MAML3: variants seen among roughly 807,000 people sequenced by gnomAD.
The protein encoded by MAML3 is mastermind like transcriptional coactivator 3.
Under a neutral mutation model 101.9 loss-of-function variants are expected in MAML3, and 27 were observed. The ratio of observed to expected loss-of-function variants is 0.27; its 90% CI spans 0.20 to 0.37. MAML3 has a LOEUF of 0.37. MAML3 is among the 10% of genes least tolerant of loss of function. The pLI, the probability that MAML3 is intolerant of heterozygous loss-of-function variation, is 1.00. For synonymous variants in MAML3, 501 were observed against 555.9 expected (o/e 0.90, Z 1.39); for missense variants, 1,316 against 1,444.9 (o/e 0.91, Z 1.45).
At chr4:140,058,031 G>A (rs59370741) in intron 1 of MAML3, among the ~76,000 whole-genome samples, 33 of 146,712 alleles carry the variant, frequency 2.2e-4, no homozygotes, top group African/African-American at 5.6e-4. Context: ...CTGATTAAAC[G>A]TACAGTTACT....
At chr4:139,946,693 G>C (rs1733732251) in intron 1 of MAML3, among the ~76,000 whole-genome samples, 1 of 151,892 alleles carries the variant, frequency 6.6e-6, no homozygotes, top group Non-Finnish European at 1.5e-5. Context: ...TGACATCCTT[G>C]GTTTTATTCA....
At chr4:139,729,844 T>C (rs1057398207) in intron 3 of MAML3, among the ~76,000 whole-genome samples, 1 of 152,236 alleles carries the variant, frequency 6.6e-6, no homozygotes, top group Non-Finnish European at 1.5e-5. Context: ...TTTCCTGAGC[T>C]GTTTTAAAAG....
chr4:139,801,118 G>C (rs1194192434), intron 2 of MAML3, among the ~76,000 whole-genome samples: 1 of 152,188 alleles, frequency 6.6e-6, no homozygotes. Context: ...CCTATGGGAT[G>C]TGCCAGTTTC....
At chr4:140,030,621 C>T (rs1365023254) in intron 1 of MAML3, among the ~76,000 whole-genome samples, 1 of 152,144 alleles carries the variant, frequency 6.6e-6, no homozygotes, top group African/African-American at 2.4e-5. Flanking sequence ...TCCTTTACCT[C>T]ATCTCACTTC....
chr4:139,811,587 T>C (rs1730797634), intron 2 of MAML3, among the ~76,000 whole-genome samples: 1 of 152,364 alleles, frequency 6.6e-6, no homozygotes, highest in East Asian at 1.9e-4. Context: ...CAAGTGGAAA[T>C]ATTCCAGAAT....
chr4:140,151,834 G>A (rs1729176639), intron 1 of MAML3, among the ~76,000 whole-genome samples: 1 of 152,182 alleles, frequency 6.6e-6, no homozygotes, highest in African/African-American at 2.4e-5. Context: ...TCCTGGAGAA[G>A]TTAAGCCATT....
In MAML3 at chr4:139,785,938, T is replaced by A. The variant is rs1730297259; in HGVS notation, c.2080-55271A>T. 6.6e-6 allele frequency among the ~76,000 whole-genome samples: 1 copy of A among 152,140 alleles called. No individual in the cohort carries two copies. The highest frequency in any genetic ancestry group is 1.5e-5 in the Non-Finnish European group (1 of 68,026). On this transcript the variant is annotated intron_variant, in intron 2 of 4. Coordinates refer to ENST00000509479, the MANE Select transcript of MAML3 (RefSeq NM_018717.5). This position sits in a 1 kb window ranked among gnomAD's most constrained non-coding sequence, Gnocchi z 4.3. ...ATGGTAAAATGGGGGTGTTATGGACTGAATTGTGTCTCCCACCAAAATTCA... is the reference window on the plus strand; with the variant it reads ...ATGGTAAAATGGGGGTGTTATGGACAGAATTGTGTCTCCCACCAAAATTCA...
In MAML3 at chr4:140,099,229, T is replaced by TCACACACA. The variant is rs57140878; in HGVS notation, c.468+53623_468+53630dup. Among the ~76,000 whole-genome samples, 506 of 147,156 alleles carry TCACACACA rather than the reference T, an allele frequency of 3.4e-3. 2 individuals are homozygous for TCACACACA. Among genetic ancestry groups the TCACACACA allele is most frequent in the African/African-American group, 0.011 (460 of 40,018 alleles). On this transcript the variant is annotated intron_variant, in intron 1 of 4. Coordinates refer to ENST00000509479, the MANE Select transcript of MAML3 (RefSeq NM_018717.5). ...AAACTCTGTTCACATTGGAAGTATATCACACACACACACACACACACACAC... is the reference window on the plus strand; with the variant it reads ...AAACTCTGTTCACATTGGAAGTATATCACACACACACACACACACACACACACACACAC...
At chr4:139,780,628 T>C (rs71584331) in intron 2 of MAML3, among the ~76,000 whole-genome samples, 25,657 of 147,392 alleles carry the variant, frequency 0.17, 2,266 homozygotes, top group Non-Finnish European at 0.21. Context: ...CTTTTCTTTT[T>C]TTTTTTTTTT....
intron 1 of MAML3, among the ~76,000 whole-genome samples, chr4:139,988,221 G>T (rs1327417791): frequency 6.6e-6 from 1 of 150,726 alleles, no homozygotes; most frequent in Non-Finnish European, 1.5e-5. Flanking sequence ...CAGCTACTCG[G>T]GAGGCTGAGG....
intron 1 of MAML3, among the ~76,000 whole-genome samples, chr4:140,110,533 A>AAGATGC (rs1413925668): frequency 1.3e-5 from 2 of 152,256 alleles, no homozygotes; most frequent in African/African-American, 4.8e-5. Context: ...TCTTTGAGCA[A>AAGATGC]AGTCTCATTC....
chr4:140,047,725 C>G (rs2110917885), intron 1 of MAML3, among the ~76,000 whole-genome samples: 2 of 108,672 alleles, frequency 1.8e-5, no homozygotes, highest in Middle Eastern at 0.016. Context: ...CCCCCCACCC[C>G]CAAAATGGGC....
At chr4:140,130,197 G>A (rs1301375000) in intron 1 of MAML3, among the ~76,000 whole-genome samples, 1 of 152,194 alleles carries the variant, frequency 6.6e-6, no homozygotes, top group African/African-American at 2.4e-5. Context: ...GGGGCAAGCA[G>A]TTTATCCGTG....
At chr4:139,739,171 G>A (rs562271598) in intron 2 of MAML3, among the ~76,000 whole-genome samples, 1 of 152,308 alleles carries the variant, frequency 6.6e-6, no homozygotes, top group Non-Finnish European at 1.5e-5. Flanking sequence ...GGTATAACTG[G>A]AGATGACAAA....
chr4:139,873,679 G>C (rs1165199014), intron 2 of MAML3, among the ~76,000 whole-genome samples: 1 of 152,168 alleles, frequency 6.6e-6, no homozygotes, highest in African/African-American at 2.4e-5. Flanking sequence ...CCTGTGGGGA[G>C]GTCCATGTGG....
chr4:140,060,092 G>A (rs1233521972), intron 1 of MAML3, among the ~76,000 whole-genome samples: 2 of 152,044 alleles, frequency 1.3e-5, no homozygotes, highest in East Asian at 1.9e-4. Context: ...TAGGCTGGGC[G>A]CAGTGGCTCA....
intron 2 of MAML3, among the ~76,000 whole-genome samples, chr4:139,796,841 CAAGA>C (rs1730519451): frequency 6.6e-6 from 1 of 151,510 alleles, no homozygotes; most frequent in South Asian, 2.1e-4. Context: ...TGGAATACAG[CAAGA>C]ATGAATGAAT....
chr4:140,124,792 T>C (rs1054857509), intron 1 of MAML3, among the ~76,000 whole-genome samples: 1 of 152,190 alleles, frequency 6.6e-6, no homozygotes, highest in African/African-American at 2.4e-5. Context: ...GTTATTAATA[T>C]AGAAAAGCCC....
intron 1 of MAML3, among the ~76,000 whole-genome samples, chr4:140,021,937 T>A (rs1374923782): frequency 1.3e-5 from 2 of 152,196 alleles, no homozygotes; most frequent in Non-Finnish European, 2.9e-5. Context: ...GATACCATTA[T>A]TATCCCCATT....
Sources: gnomAD v4.1 joint callset for allele counts (sites outside exome capture counted in the v4.1 genomes callset) on GRCh38, gnomAD v4.1.1 for gene constraint, Gnocchi (gnomAD v3.1) non-coding constraint, MANE v1.5 for transcripts, NCBI Gene and HGNC (gene_info 2026-07-23, HGNC 2026-07-21) for gene names.